The following MGAM2 variants were observed in gnomAD, a reference collection of about 807,000 sequenced individuals.
The protein encoded by MGAM2 is probable maltase-glucoamylase 2.
A neutral mutation model predicts 96.1 loss-of-function variants in MGAM2; 98 were observed. That is an observed-to-expected ratio of 1.02 (90% CI 0.87 to 1.21). The LOEUF (loss-of-function observed/expected upper bound fraction) is 1.21. Ranked by LOEUF, MGAM2 falls within the 50% of genes most tolerant of loss-of-function variation. The pLI is 0.00. For synonymous variants in MGAM2, 749 were observed against 414.8 expected (o/e 1.81, Z -9.79); for missense variants, 2,055 against 1,182.4 (o/e 1.74, Z -10.82).
At chr7:142,119,780 C>T (rs888818234) in intron 2 of MGAM2, among the ~76,000 whole-genome samples, 1 of 152,126 alleles carries the variant, frequency 6.6e-6, no homozygotes, top group Non-Finnish European at 1.5e-5. Context: ...AACCTTATGC[C>T]AGGTGAAAGG....
At chr7:142,133,212 A>G (rs1032792719) in intron 6 of MGAM2, among the ~76,000 whole-genome samples, 2 of 142,632 alleles carry the variant, frequency 1.4e-5, no homozygotes, top group Non-Finnish European at 3.0e-5. Flanking sequence ...ATAAATATAT[A>G]AATATATATT....
chr7:142,114,085 C>T (rs924455820), intron 1 of MGAM2, among the ~76,000 whole-genome samples: 2 of 149,640 alleles, frequency 1.3e-5, no homozygotes, highest in African/African-American at 2.5e-5. Flanking sequence ...GAGCCGAGAT[C>T]GCGCCACTGC....
Position 142,160,194 on chromosome 7 carries a change from G to C in MGAM2, c.2281G>C (p.Gly761Arg). 1 of 702,728 alleles carries C rather than the reference G, an allele frequency of 1.4e-6. No homozygotes were observed. The highest frequency in any genetic ancestry group is 2.6e-6 in the Non-Finnish European group (1 of 384,846). 43.5% of individuals were successfully genotyped at this position (702,728 alleles called of 1,614,324 possible). ...TATGCTTCTCCCAGGTGACAAGATA[G>C]GACTTCATCTGCGAGGGGGCTACAT... ...VNMLLPGDKI[G>R]LHLRGGYIFP... Residue 761 changes from glycine to arginine, a missense_variant, in exon 21 of 48, where the codon GGA (glycine) becomes CGA (arginine). Coordinates refer to ENST00000477922, the MANE Select transcript of MGAM2 (RefSeq NM_001293626.2).
chr7:142,154,608 G>A (rs1417335858), intron 16 of MGAM2, 121 bp from the exon 17 acceptor site: 2 of 620,340 alleles, frequency 3.2e-6, no homozygotes, highest in East Asian at 2.7e-5. Context: ...GTGACTCTGG[G>A]ATCTCCTTAA....
At chr7:142,176,103 A>T (rs1796367960) in intron 32 of MGAM2, among the ~76,000 whole-genome samples, 1 of 148,976 alleles carries the variant, frequency 6.7e-6, no homozygotes, top group African/African-American at 2.5e-5. Context: ...AGCAAAAAAA[A>T]AAAAAGGGGG....
chr7:142,220,693 C>A lies in MGAM2; in HGVS notation c.6182C>A (p.Thr2061Lys). The change falls in exon 48 of 48, where the codon ACA becomes AAA. Residue 2061 changes from threonine (T) to lysine (K), a missense_variant. Transcript: ENST00000477922. ...AGCACTAGTGCTACTGTTCCTATTA[C>A]AACCACACCTTCCCCTACAAATACT... is the stretch of plus-strand genomic sequence containing the variant. ...STSTSATVPI[T>K]TTPSPTNTAD... 2 of 702,284 alleles carry A rather than the reference C, an allele frequency of 2.8e-6. No individual in the cohort carries two copies. Among genetic ancestry groups the A allele is most frequent in the Non-Finnish European group, 5.2e-6 (2 of 384,838 alleles). The allele number at this position is 702,284 out of a possible 1,614,324, so 43.5% of individuals were successfully genotyped here.
rs1013124747 is a variant in MGAM2 at position 142,195,345 on chromosome 7, C to CTTTTT, written c.4347-785_4347-781dup. On this transcript the variant is annotated intron_variant, in intron 37 of 47. Transcript: ENST00000477922. ...TTCTGTGCCTGGCCTCCTTTTTACT[C>CTTTTT]TTTTTTTTTTTTTTTTTTTTTTTTT... Among the ~76,000 whole-genome samples the CTTTTT allele has an allele frequency of 3.7e-4, 26 of 70,042 alleles. 2 individuals carry two copies. The highest frequency in any genetic ancestry group is 1.4e-3 in the African/African-American group (23 of 16,446). 46.0% of individuals were successfully genotyped at this position (70,042 alleles called of 152,430 possible).
chr7:142,188,109 A>AACACACACACAC (rs60052742), intron 36 of MGAM2, among the ~76,000 whole-genome samples: 2,170 of 143,614 alleles, frequency 0.015, 62 homozygotes, highest in East Asian at 0.068. Context: ...TAAACCCTTA[A>AACACACACACAC]ACACACACAC....
Position 142,186,086 on chromosome 7 carries a change from A to G in MGAM2, c.4085A>G (p.Glu1362Gly), listed in dbSNP as rs1796690341. The change falls in exon 35 of 48, where the codon GAG becomes GGG. Residue 1362 changes from glutamate (E) to glycine (G), a missense_variant. Coordinates refer to ENST00000477922, the MANE Select transcript of MGAM2 (RefSeq NM_001293626.2). ...EIEELYANPR[E>G]PEKSLKFDGL... ...GAAGAGCTCTATGCAAACCCTCGAG[A>G]GCCAGAGAAGAGCTTGAAGTTTGAT... is the stretch of plus-strand genomic sequence containing the variant. 4 of 705,698 alleles carry G rather than the reference A, an allele frequency of 5.7e-6. No homozygotes were observed. The highest frequency in any genetic ancestry group is 1.5e-5 in the South Asian group (1 of 67,572). 43.7% of individuals were successfully genotyped at this position (705,698 alleles called of 1,614,324 possible). A position where few individuals can be genotyped will look rare whatever the true frequency, so the allele number is the denominator to read the frequency against.
In MGAM2 at chr7:142,219,866, G is replaced by A. The variant is rs1199936168; in HGVS notation, c.5359-4G>A. 2.9e-6 allele frequency: 2 copies of A among 691,784 alleles called. No individual in the cohort carries two copies. Among genetic ancestry groups the A allele is most frequent in the Non-Finnish European group, 2.6e-6 (1 of 378,716 alleles). 42.9% of individuals were successfully genotyped at this position (691,784 alleles called of 1,614,324 possible). A position where few individuals can be genotyped will look rare whatever the true frequency, so the allele number is the denominator to read the frequency against. ...ACCCATTTATATCTCTTCTTTTCTGGCAGATACTAACTATTCAATTGACTG... is the reference window on the plus strand; with the variant it reads ...ACCCATTTATATCTCTTCTTTTCTGACAGATACTAACTATTCAATTGACTG... On this transcript the variant is annotated splice_polypyrimidine_tract_variant and splice_region_variant and intron_variant, in intron 47 of 47. Coordinates refer to ENST00000477922, the MANE Select transcript of MGAM2 (RefSeq NM_001293626.2).
Position 142,144,964 on chromosome 7 carries a change from G to C in MGAM2, c.1516+19G>C. On this transcript the variant is annotated intron_variant, in intron 14 of 47. Coordinates refer to ENST00000477922, the MANE Select transcript of MGAM2 (RefSeq NM_001293626.2). Reference sequence around the variant, plus strand: ...CTTCCTAGTAAGTTTTCACCTGTTTGCTATGACGTAGGAATAAGCCATGTT... The same window carrying C: ...CTTCCTAGTAAGTTTTCACCTGTTTCCTATGACGTAGGAATAAGCCATGTT... The C allele has an allele frequency of 1.4e-6, 1 of 702,394 alleles. No individual in the cohort carries two copies. The highest frequency in any genetic ancestry group is 2.6e-6 in the Non-Finnish European group (1 of 384,736). 43.5% of individuals were successfully genotyped at this position (702,394 alleles called of 1,614,324 possible).
chr7:142,118,740 A>G (rs1305978894), intron 2 of MGAM2, among the ~76,000 whole-genome samples: 3 of 152,174 alleles, frequency 2.0e-5, no homozygotes, highest in Non-Finnish European at 4.4e-5. Flanking sequence ...TAAAGAAAAA[A>G]CAGTAAGAAA....
chr7:142,155,546 C>T (rs993998773), intron 17 of MGAM2, among the ~76,000 whole-genome samples: 6 of 152,196 alleles, frequency 3.9e-5, no homozygotes, highest in African/African-American at 1.4e-4. Flanking sequence ...ATAATTTTAG[C>T]TCCAATTCTT....
chr7:142,189,483 TC>T lies in MGAM2; in HGVS notation c.4327del (p.Gln1443ArgfsTer12). ...HYNVHNLYGW[S>X]QTRPTYEAVQ... is the part of the protein sequence containing the mutation. ...CAACGTGCACAACCTGTACGGGTGG[TC>T]CCAGACCAGACCCACATACGAGTGA... On this transcript the variant is annotated frameshift_variant, in exon 37 of 48. Transcript: ENST00000477922. LOFTEE classifies it high-confidence loss of function. 1 of 860,282 alleles carries T rather than the reference TC, an allele frequency of 1.2e-6. No individual in the cohort carries two copies. The highest frequency in any genetic ancestry group is 1.9e-6 in the Non-Finnish European group (1 of 520,968). 53.3% of individuals were successfully genotyped at this position (860,282 alleles called of 1,614,324 possible). A position where few individuals can be genotyped will look rare whatever the true frequency, so the allele number is the denominator to read the frequency against.
chr7:142,115,493 G>A (rs1236481196), intron 1 of MGAM2, among the ~76,000 whole-genome samples: 1 of 152,206 alleles, frequency 6.6e-6, no homozygotes, highest in African/African-American at 2.4e-5. Flanking sequence ...AGGGCTAAGA[G>A]ATTAAAAGGA....
Position 142,162,005 on chromosome 7 carries a change from G to GT in MGAM2, c.2484+2dup, listed in dbSNP as rs1396913311. 1.4e-6 allele frequency: 1 copy of GT among 690,008 alleles called. No individual in the cohort carries two copies. Among genetic ancestry groups the GT allele is most frequent in the Non-Finnish European group, 2.6e-6 (1 of 380,456 alleles). 42.7% of individuals were successfully genotyped at this position (690,008 alleles called of 1,614,324 possible). On this transcript the variant is annotated splice_donor_variant, in intron 23 of 47. Transcript: ENST00000477922. LOFTEE classifies it high-confidence loss of function. ...TCTATATGATTTCTCTGTTACCTCT[G>GT]TAAGTATTTTGTTTGAGGAACACAC...
chr7:142,215,243 T>A (rs1384710380), intron 46 of MGAM2, among the ~76,000 whole-genome samples: 2 of 151,412 alleles, frequency 1.3e-5, no homozygotes, highest in Non-Finnish European at 2.9e-5. Context: ...TATGTGGGAG[T>A]TGAATAATGA....
intron 27 of MGAM2, among the ~76,000 whole-genome samples, chr7:142,171,004 T>G (rs540863580): frequency 3.2e-4 from 48 of 152,166 alleles, no homozygotes; most frequent in Non-Finnish European, 5.1e-4. Flanking sequence ...GAACTTGAAA[T>G]AAATAGAAGA....
rs1326417130 is a variant in MGAM2 at position 142,137,545 on chromosome 7, G to A, written c.960G>A (p.Glu320=). ...AACAAGTGGTTCAGGAATACTTGGA[G>A]GTATGTCTTTGCATTTAGATAGTCA... ...TPEQVVQEYL[E]LVGRPFFPPY... Residue 320 remains glutamate, a splice_region_variant and synonymous_variant, in exon 9 of 48, where the codon GAG becomes GAA. Transcript: ENST00000477922. 1 of 694,126 alleles carries A rather than the reference G, an allele frequency of 1.4e-6. No homozygotes were observed. The highest frequency in any genetic ancestry group is 2.0e-5 in the Admixed American group (1 of 48,794). 43.0% of individuals were successfully genotyped at this position (694,126 alleles called of 1,614,324 possible). A position where few individuals can be genotyped will look rare whatever the true frequency, so the allele number is the denominator to read the frequency against.
Sources: allele counts gnomAD v4.1 joint callset (sites outside exome capture counted in the v4.1 genomes callset), GRCh38; gene constraint gnomAD v4.1.1; transcripts MANE v1.5; gene names NCBI Gene and HGNC (gene_info 2026-07-23, HGNC 2026-07-21).